Variants in PPARGC1B observed in about 807,000 individuals in gnomAD.
The protein encoded by PPARGC1B is PPARG coactivator 1 beta, also known as peroxisome proliferator-activated receptor gamma coactivator 1-beta.
In PPARGC1B, 34 loss-of-function variants were observed where a neutral mutation model predicts 101.6. The observed-to-expected ratio is 0.33, with a 90% confidence interval of 0.25 to 0.45. PPARGC1B has a LOEUF of 0.45. PPARGC1B is among the 20% of genes least tolerant of loss of function. The pLI is 1.00. For synonymous variants in PPARGC1B, 548 were observed against 539.3 expected (o/e 1.02, Z -0.22); for missense variants, 1,234 against 1,317.6 (o/e 0.94, Z 0.98).
intron 1 of PPARGC1B, among the ~76,000 whole-genome samples, chr5:149,769,228 G>A (rs893556895): frequency 3.9e-5 from 6 of 152,202 alleles, no homozygotes; most frequent in South Asian, 2.1e-4. Context: ...GCAGTAATGC[G>A]TGCCATGGGG....
At chr5:149,830,413 G>A (rs1356125892) in intron 3 of PPARGC1B, among the ~76,000 whole-genome samples, 1 of 152,160 alleles carries the variant, frequency 6.6e-6, no homozygotes, top group Non-Finnish European at 1.5e-5. Context: ...GTGTGTGTGT[G>A]TGTGCACTCA....
chr5:149,821,303 G>C (rs909334360), intron 2 of PPARGC1B, among the ~76,000 whole-genome samples: 8 of 152,202 alleles, frequency 5.3e-5, no homozygotes, highest in African/African-American at 1.7e-4. Flanking sequence ...TCCCAGCCCT[G>C]TGTGCTCCAG....
intron 1 of PPARGC1B, among the ~76,000 whole-genome samples, chr5:149,754,144 A>T (rs1414436163): frequency 6.6e-6 from 1 of 152,226 alleles, no homozygotes; most frequent in Non-Finnish European, 1.5e-5. Flanking sequence ...GATCTTTGCC[A>T]ATCTGGAGTC....
chr5:149,838,758 A>T (rs1050802644), intron 8 of PPARGC1B, among the ~76,000 whole-genome samples: 1 of 152,168 alleles, frequency 6.6e-6, no homozygotes, highest in Non-Finnish European at 1.5e-5. Flanking sequence ...TGCTCACTAC[A>T]GAAACTTAAT....
intron 1 of PPARGC1B, among the ~76,000 whole-genome samples, chr5:149,760,246 G>C (rs17711388): frequency 0.11 from 17,373 of 152,196 alleles, 1,311 homozygotes; most frequent in Admixed American, 0.23. Flanking sequence ...GGACAGCAGA[G>C]GGCTCTGGGC....
chr5:149,803,714 C>T (rs1198227113), intron 1 of PPARGC1B, among the ~76,000 whole-genome samples: 1 of 152,124 alleles, frequency 6.6e-6, no homozygotes, highest in Non-Finnish European at 1.5e-5. Context: ...GCTGCAGTGC[C>T]ACCCCCACCC....
chr5:149,780,065 T>C (rs979945692), intron 1 of PPARGC1B, among the ~76,000 whole-genome samples: 1 of 151,470 alleles, frequency 6.6e-6, no homozygotes, highest in African/African-American at 2.4e-5. Flanking sequence ...CCTAGGGGAG[T>C]GTAAGGAGAG....
intron 1 of PPARGC1B, among the ~76,000 whole-genome samples, chr5:149,799,687 G>GTTT (rs1561553708): frequency 1.6e-4 from 14 of 85,446 alleles, no homozygotes; most frequent in African/African-American, 5.5e-4. Flanking sequence ...TTGTTTGCTT[G>GTTT]TTGTTGTTTT....
At chr5:149,821,369 G>A (rs2003602) in intron 2 of PPARGC1B, among the ~76,000 whole-genome samples, 7,024 of 152,250 alleles carry the variant, frequency 0.046, 312 homozygotes, top group Admixed American at 0.14. Context: ...GGCCTCTTAC[G>A]GAATAATATG....
chr5:149,750,453 A>AAT lies in PPARGC1B; in HGVS notation c.78+20068_78+20069dup, dbSNP rs55971526. Among the ~76,000 whole-genome samples the AAT allele has an allele frequency of 3.3e-3, 401 of 123,176 alleles. 2 individuals carry two copies. Among genetic ancestry groups the AAT allele is most frequent in the Middle Eastern group, 4.6e-3 (1 of 216 alleles). The allele number at this position is 123,176 out of a possible 152,430, so 80.8% of individuals were successfully genotyped here. On this transcript the variant is annotated intron_variant, in intron 1 of 11. Transcript: ENST00000309241. ...TAGCTGTCTTCTCTGTTTTAGTTAA[A>AAT]ATATATATATATATATATATATATA...
intron 1 of PPARGC1B, among the ~76,000 whole-genome samples, chr5:149,784,038 G>A (rs1046340251): frequency 3.3e-5 from 5 of 152,018 alleles, no homozygotes; most frequent in African/African-American, 1.2e-4. Flanking sequence ...GTGGCTGACC[G>A]CACTGTTCCC....
chr5:149,796,648 CAG>C (rs139063590), intron 1 of PPARGC1B, among the ~76,000 whole-genome samples: 3 of 151,662 alleles, frequency 2.0e-5, no homozygotes, highest in East Asian at 3.9e-4. Flanking sequence ...ATGGTGGCAG[CAG>C]AGAGAGAGAG....
intron 1 of PPARGC1B, among the ~76,000 whole-genome samples, chr5:149,820,112 C>T (rs994568567): frequency 1.3e-5 from 2 of 152,140 alleles, no homozygotes; most frequent in Non-Finnish European, 2.9e-5. Flanking sequence ...AAAGGATTAG[C>T]TCCTCTATTT....
chr5:149,794,521 C>T (rs542257534), intron 1 of PPARGC1B, among the ~76,000 whole-genome samples: 41 of 81,384 alleles, frequency 5.0e-4, no homozygotes, highest in African/African-American at 1.8e-3. Context: ...TGTATGTGAG[C>T]GTGCACACAC....
chr5:149,833,745 G>A lies in PPARGC1B; in HGVS notation c.1672G>A (p.Glu558Lys), dbSNP rs1294618967. The change falls in exon 5 of 12, where the codon GAG (glutamate) becomes AAG (lysine). Residue 558 changes from glutamate (E) to lysine (K), a missense_variant. Glu to Lys is a moderately conservative substitution (Grantham distance 56). Transcript: ENST00000309241. This position sits in a 1 kb window ranked among gnomAD's most constrained non-coding sequence, Gnocchi z 4.1. ...TGAGAGTGGGTGTGGGGACATGGAT[G>A]AGGACCCCAGCTGCCCGCAGCTCCC... ...PCESGCGDMDEDPSCPQLPPR... is the reference protein window; with the variant it reads ...PCESGCGDMDKDPSCPQLPPR... 2.6e-6 allele frequency: 4 copies of A among 1,565,132 alleles called. No homozygotes were observed. The highest frequency in any genetic ancestry group is 3.4e-6 in the Non-Finnish European group (4 of 1,160,050).
At chr5:149,767,735 T>C (rs924892179) in intron 1 of PPARGC1B, among the ~76,000 whole-genome samples, 1 of 151,848 alleles carries the variant, frequency 6.6e-6, no homozygotes, top group African/African-American at 2.4e-5. Flanking sequence ...TGGACTCCAC[T>C]CCTCTGGAAC....
At chr5:149,844,333 G>A (rs1056496092) in intron 10 of PPARGC1B, among the ~76,000 whole-genome samples, 4 of 152,170 alleles carry the variant, frequency 2.6e-5, no homozygotes, top group Admixed American at 6.5e-5. Context: ...AGTCTTGGAC[G>A]TACTACCAAT....
Position 149,837,134 on chromosome 5 carries a change from C to T in PPARGC1B, c.2618+61C>T. 2.6e-6 allele frequency: 4 copies of T among 1,523,870 alleles called. No homozygotes were observed. Among genetic ancestry groups the T allele is most frequent in the Non-Finnish European group, 2.6e-6 (3 of 1,137,986 alleles). The allele number at this position is 1,523,870 out of a possible 1,614,324, so 94.4% of individuals were successfully genotyped here. A position where few individuals can be genotyped will look rare whatever the true frequency, so the allele number is the denominator to read the frequency against. ...GTGGAGGATCCCAGTTCCCGGGGAG[C>T]CAGGAGCCCCAGGAGGGAGGATCCC... is the stretch of plus-strand genomic sequence containing the variant. On this transcript the variant is annotated intron_variant, in intron 8 of 11. Coordinates refer to ENST00000309241, the MANE Select transcript of PPARGC1B (RefSeq NM_133263.4). The surrounding 1 kb of genome is among the most constrained non-coding windows in gnomAD (Gnocchi z 4.2).
At chr5:149,835,222 G>A (rs1360994910) in intron 6 of PPARGC1B, 79 bp from the exon 7 acceptor site, 3 of 1,337,308 alleles carry the variant, frequency 2.2e-6, no homozygotes, top group African/African-American at 2.9e-5. Context: ...AGCACTCCCT[G>A]CGACCCTTTC....
Sources: allele counts gnomAD v4.1 joint callset (sites outside exome capture counted in the v4.1 genomes callset), GRCh38; gene constraint gnomAD v4.1.1; non-coding constraint Gnocchi (gnomAD v3.1); transcripts MANE v1.5; gene names NCBI Gene and HGNC (gene_info 2026-07-23, HGNC 2026-07-21).